The following MAPK8 variants were observed in gnomAD, a reference collection of about 807,000 sequenced individuals.
MAPK8 encodes the protein mitogen-activated protein kinase 8.
MAPK8 carries 13 observed loss-of-function variants against 52.9 expected under a neutral mutation model. The ratio of observed to expected loss-of-function variants is 0.25; its 90% CI spans 0.16 to 0.39. The LOEUF (loss-of-function observed/expected upper bound fraction) is 0.39, where lower values mean the gene tolerates loss of function less well. MAPK8 is among the 10% of genes least tolerant of loss of function. The pLI, the probability that MAPK8 is intolerant of heterozygous loss-of-function variation, is 1.00. For missense variants in MAPK8, 300 were observed against 519.2 expected (o/e 0.58, Z 4.10); for synonymous variants, 191 against 169.8 (o/e 1.12, Z -0.97).
At chr10:48,352,785 G>T (rs1359414553) in intron 1 of MAPK8, among the ~76,000 whole-genome samples, 1 of 152,128 alleles carries the variant, frequency 6.6e-6, no homozygotes, top group South Asian at 2.1e-4. Context: ...ACAAGCGGGG[G>T]GAAAGCCCTG....
intron 6 of MAPK8, 60 bp from the exon 7 acceptor site, chr10:48,424,028 T>G (rs1465701558): frequency 7.4e-7 from 1 of 1,349,816 alleles, no homozygotes; most frequent in Non-Finnish European, 1.0e-6. Flanking sequence ...CATATTATGC[T>G]TCTTTGATTT....
At chr10:48,431,125 A>T in intron 10 of MAPK8, 68 bp from the exon 11 acceptor site, 1 of 957,824 alleles carries the variant, frequency 1.0e-6, no homozygotes, top group Non-Finnish European at 1.7e-6. Context: ...TTCCACTTAA[A>T]CCATACATGC....
intron 1 of MAPK8, among the ~76,000 whole-genome samples, chr10:48,326,657 A>C (rs1588950373): frequency 6.6e-6 from 1 of 152,236 alleles, no homozygotes; most frequent in East Asian, 1.9e-4. Context: ...TAAGTATTTA[A>C]TATTATATAT....
At chr10:48,421,460 T>C (rs928882058) in intron 6 of MAPK8, among the ~76,000 whole-genome samples, 7 of 152,214 alleles carry the variant, frequency 4.6e-5, no homozygotes, top group African/African-American at 1.7e-4. Context: ...CCTATAAATA[T>C]GATCTTAGGA....
At chr10:48,357,943 T>G (rs2590391) in intron 1 of MAPK8, among the ~76,000 whole-genome samples, 123,074 of 152,042 alleles carry the variant, frequency 0.81, 50,000 homozygotes, top group Middle Eastern at 0.9. Context: ...TCATGTTAAT[T>G]GAATCATAGA....
intron 1 of MAPK8, among the ~76,000 whole-genome samples, chr10:48,364,691 G>C (rs1847875186): frequency 6.6e-6 from 1 of 152,100 alleles, no homozygotes; most frequent in South Asian, 2.1e-4. Flanking sequence ...GTGATATCAA[G>C]GGTTGTTTTT....
intron 1 of MAPK8, among the ~76,000 whole-genome samples, chr10:48,336,930 C>T (rs895737114): frequency 2.6e-5 from 4 of 152,142 alleles, no homozygotes; most frequent in Admixed American, 1.3e-4. Flanking sequence ...AGATTTGTAT[C>T]TCCTAGGTAT....
At chr10:48,312,184 T>G (rs1157523933) in intron 1 of MAPK8, among the ~76,000 whole-genome samples, 2 of 152,180 alleles carry the variant, frequency 1.3e-5, no homozygotes, top group African/African-American at 2.4e-5. Flanking sequence ...TGGTTTAAGT[T>G]GAGAGTGTGG....
chr10:48,425,726 A>T (rs1160026747), intron 7 of MAPK8, 162 bp from the exon 8 acceptor site: 4 of 469,018 alleles, frequency 8.5e-6, no homozygotes, highest in Non-Finnish European at 1.5e-5. Context: ...ATTTCTGTCC[A>T]CCTACAATCA....
At chr10:48,430,877 G>A (rs955570542) in intron 10 of MAPK8, 1 of 369,914 alleles carries the variant, frequency 2.7e-6, no homozygotes, top group African/African-American at 2.1e-5. Flanking sequence ...AATGGTATGT[G>A]GTATGATGTG....
intron 1 of MAPK8, among the ~76,000 whole-genome samples, chr10:48,366,634 A>G (rs1038607716): frequency 1.3e-5 from 2 of 152,122 alleles, no homozygotes; most frequent in Non-Finnish European, 2.9e-5. Context: ...TTTTGCAAAT[A>G]TTTATCCTTA....
At chr10:48,350,937 A>C (rs992813971) in intron 1 of MAPK8, among the ~76,000 whole-genome samples, 1 of 152,226 alleles carries the variant, frequency 6.6e-6, no homozygotes, top group African/African-American at 2.4e-5. Context: ...TACAAAATCA[A>C]TGTGCAAAAA....
chr10:48,434,549 G>A (rs1284796080), intron 11 of MAPK8, among the ~76,000 whole-genome samples: 4 of 152,122 alleles, frequency 2.6e-5, no homozygotes, highest in African/African-American at 7.2e-5. Context: ...TGTATTATCA[G>A]CAGTATTCAC....
At chr10:48,365,464 A>T (rs1479604553) in intron 1 of MAPK8, among the ~76,000 whole-genome samples, 1 of 152,056 alleles carries the variant, frequency 6.6e-6, no homozygotes, top group Non-Finnish European at 1.5e-5. Flanking sequence ...CACCTTAGAA[A>T]TTTTCGTATG....
chr10:48,374,206 GAC>G (rs1195336223), intron 1 of MAPK8, among the ~76,000 whole-genome samples: 1 of 152,164 alleles, frequency 6.6e-6, no homozygotes, highest in Admixed American at 6.6e-5. Flanking sequence ...TGAGAACAAA[GAC>G]ACAATGTAGG....
chr10:48,333,793 T>C (rs1053070128), intron 1 of MAPK8, among the ~76,000 whole-genome samples: 3 of 152,234 alleles, frequency 2.0e-5, no homozygotes, highest in African/African-American at 4.8e-5. Context: ...CGGGGGAACG[T>C]TGGGTCAGCA....
At chr10:48,431,768 C>CTTTTTTTTTTT (rs757491141) in intron 11 of MAPK8, among the ~76,000 whole-genome samples, 2 of 151,926 alleles carry the variant, frequency 1.3e-5, no homozygotes, top group Non-Finnish European at 1.5e-5. Flanking sequence ...GGAGTTAAAA[C>CTTTTTTTTTTT]TTTTTTTTAT....
At chr10:48,404,077 C>T (rs571183305) in intron 2 of MAPK8, among the ~76,000 whole-genome samples, 31 of 151,768 alleles carry the variant, frequency 2.0e-4, no homozygotes, top group South Asian at 1.2e-3. Context: ...GCCACTGCGC[C>T]TGGCCCTTCT....
chr10:48,367,626 G>A (rs1311773245), intron 1 of MAPK8, among the ~76,000 whole-genome samples: 2 of 152,182 alleles, frequency 1.3e-5, no homozygotes, highest in African/African-American at 4.8e-5. Flanking sequence ...CTTCACTTAT[G>A]TTGAGTTGCT....
Sources: gnomAD v4.1 joint callset for allele counts (sites outside exome capture counted in the v4.1 genomes callset) on GRCh38, gnomAD v4.1.1 for gene constraint, MANE v1.5 for transcripts, NCBI Gene and HGNC (gene_info 2026-07-23, HGNC 2026-07-21) for gene names.